PALS2: variants seen among roughly 807,000 people sequenced by gnomAD.
PALS2 encodes protein associated with LIN7 2, MAGUK p55 family member, also known as protein PALS2.
PALS2 carries 27 observed loss-of-function variants against 61.6 expected under a neutral mutation model. That is an observed-to-expected ratio of 0.44 (90% CI 0.32 to 0.60). PALS2 has a LOEUF of 0.60. Ranked by LOEUF, PALS2 falls within the 20% of genes least tolerant of loss-of-function variation. PALS2 has a pLI of 0.05. For missense variants in PALS2, 554 were observed against 639.4 expected (o/e 0.87, Z 1.44); for synonymous variants, 236 against 218.6 (o/e 1.08, Z -0.70).
At chr7:24,630,356 G>A (rs1001843129) in intron 2 of PALS2, among the ~76,000 whole-genome samples, 3 of 152,142 alleles carry the variant, frequency 2.0e-5, no homozygotes, top group Non-Finnish European at 4.4e-5. Flanking sequence ...GGGGAGGGGG[G>A]ATAGCATTAG....
chr7:24,645,163 T>C (rs1318934338), intron 3 of PALS2, among the ~76,000 whole-genome samples: 1 of 152,190 alleles, frequency 6.6e-6, no homozygotes, highest in Non-Finnish European at 1.5e-5. Flanking sequence ...ATATTGGCTT[T>C]TGTTGTGATT....
chr7:24,594,973 G>C (rs188053337), intron 1 of PALS2, among the ~76,000 whole-genome samples: 2 of 152,100 alleles, frequency 1.3e-5, no homozygotes, highest in East Asian at 3.9e-4. Flanking sequence ...ATCAATGTGG[G>C]GTTGCCACAA....
intron 1 of PALS2, among the ~76,000 whole-genome samples, chr7:24,601,558 C>T (rs1051736265): frequency 6.6e-6 from 1 of 152,052 alleles, no homozygotes; most frequent in African/African-American, 2.4e-5. Flanking sequence ...CCTTCTAGAT[C>T]CTGTATTCTC....
rs191445444 is a variant in PALS2, at chr7:24,574,877, A to G, written c.-3+1284A>G. 2.3e-3 allele frequency among the ~76,000 whole-genome samples: 345 copies of G among 152,296 alleles called. 1 individual carries two copies. The highest frequency in any genetic ancestry group is 7.8e-3 in the African/African-American group (325 of 41,550). The stretch of plus-strand genomic sequence containing the variant: ...GTATATAGTTTCCGTATATAGGTAT[A>G]GCAACGGACCTCAAGTAATATTGCT... On this transcript the variant is annotated intron_variant, in intron 1 of 11. Transcript: ENST00000222644.
At position 24,573,505 on chromosome 7, in the gene PALS2, G is replaced by A. The variant is rs548527225; in HGVS notation, c.-91G>A. 2.7e-4 allele frequency: 106 copies of A among 387,978 alleles called. 2 individuals carry two copies. The South Asian group carries it at 0.013, about 47-fold the overall frequency. 24.0% of individuals were successfully genotyped at this position (387,978 alleles called of 1,614,324 possible). On this transcript the variant is annotated 5_prime_UTR_variant, in exon 1 of 12. Transcript: ENST00000222644. The surrounding 1 kb of genome is among the most constrained non-coding windows in gnomAD (Gnocchi z 5.3). Reference sequence around the variant, plus strand: ...GAGTTTGCAGATGGGGCTGCTCGGCGGCGCCTGTGGCTGAGGGAGAGCAGC... The same window carrying A: ...GAGTTTGCAGATGGGGCTGCTCGGCAGCGCCTGTGGCTGAGGGAGAGCAGC...
intron 8 of PALS2, among the ~76,000 whole-genome samples, 193 bp downstream of exon 8, chr7:24,666,282 G>A (rs1254485289): frequency 1.3e-5 from 2 of 152,068 alleles, no homozygotes; most frequent in African/African-American, 4.8e-5. Context: ...ACTACCATGT[G>A]CTTTATTTTG....
intron 5 of PALS2, among the ~76,000 whole-genome samples, chr7:24,656,125 T>C (rs1382880060): frequency 6.6e-6 from 1 of 152,212 alleles, no homozygotes; most frequent in Non-Finnish European, 1.5e-5. Flanking sequence ...TGTCACTCAC[T>C]CTGAAATGCA....
intron 1 of PALS2, among the ~76,000 whole-genome samples, chr7:24,598,292 A>G (rs965494817): frequency 3.9e-5 from 6 of 152,316 alleles, no homozygotes; most frequent in Admixed American, 2.0e-4. Context: ...ATGAAGGACA[A>G]GTTATTGTCT....
At chr7:24,589,077 T>C (rs938623352) in intron 1 of PALS2, 3 of 152,178 alleles carry the variant, frequency 2.0e-5, no homozygotes, top group African/African-American at 7.2e-5. Flanking sequence ...AAATTTTGTG[T>C]GTGTGTGTGT....
At chr7:24,658,766 A>G (rs1786561640) in intron 5 of PALS2, among the ~76,000 whole-genome samples, 1 of 151,944 alleles carries the variant, frequency 6.6e-6, no homozygotes, top group South Asian at 2.1e-4. Flanking sequence ...CACGTTGGCC[A>G]GGATGGTCTC....
chr7:24,631,897 C>A (rs1003568200), intron 2 of PALS2, among the ~76,000 whole-genome samples: 4 of 152,162 alleles, frequency 2.6e-5, no homozygotes, highest in African/African-American at 7.2e-5. Context: ...CTTAATAGAT[C>A]ACCTTGTCAT....
chr7:24,649,584 A>C (rs1219852711), intron 3 of PALS2, 28 bp from the exon 4 acceptor site: 1 of 1,508,418 alleles, frequency 6.6e-7, no homozygotes, highest in African/African-American at 1.4e-5. Context: ...TATCATAAAT[A>C]ACCACAGGCT....
intron 1 of PALS2, among the ~76,000 whole-genome samples, chr7:24,621,691 G>C (rs1328809978): frequency 3.3e-5 from 5 of 151,916 alleles, no homozygotes; most frequent in Admixed American, 1.3e-4. Flanking sequence ...AAGCAGCATG[G>C]AACAGAAAAC....
intron 10 of PALS2, among the ~76,000 whole-genome samples, chr7:24,680,005 CT>C (rs1301367570): frequency 1.5e-4 from 23 of 152,014 alleles, no homozygotes; most frequent in African/African-American, 5.6e-4. Flanking sequence ...TACTGTAGAG[CT>C]TTTTTTCTTT....
In PALS2 at chr7:24,688,563, G is replaced by A. The variant is rs1307210417; in HGVS notation, c.*949G>A. ...GCAAATTTTAGTGATGTTTAGAGAT[G>A]CCTCTAAGTTTGCAGTTGGAGGTTT... On this transcript the variant is annotated 3_prime_UTR_variant, in exon 12 of 12. Transcript: ENST00000222644. 2.6e-5 allele frequency: 4 copies of A among 152,108 alleles called. No individual in the cohort carries two copies. The highest frequency in any genetic ancestry group is 4.4e-5 in the Non-Finnish European group (3 of 68,010). 9.4% of individuals were successfully genotyped at this position (152,108 alleles called of 1,614,324 possible).
Position 24,623,763 on chromosome 7 carries a change from T to C in PALS2, c.96T>C (p.Pro32=). 6.3e-7 allele frequency: 1 copy of C among 1,580,236 alleles called. No homozygotes were observed. Residue 32 remains proline, a synonymous_variant, in exon 2 of 12, where the codon CCT becomes CCC. Transcript: ENST00000222644. Reference sequence around the variant, plus strand: ...TCCTCAAGGGAATTATGGAGAATCCTATTGTAAAATCACTTGCTAAGGTAT... The same window carrying C: ...TCCTCAAGGGAATTATGGAGAATCCCATTGTAAAATCACTTGCTAAGGTAT... The part of the protein sequence containing the change: ...LIFLKGIMEN[P]IVKSLAKAHE...
At chr7:24,637,997 A>G (rs969783109) in intron 2 of PALS2, among the ~76,000 whole-genome samples, 2 of 152,168 alleles carry the variant, frequency 1.3e-5, no homozygotes, top group African/African-American at 4.8e-5. Context: ...TTTAAATAGT[A>G]TGTGGCTCAC....
At position 24,633,470 on chromosome 7, in the gene PALS2, C is replaced by G. The variant is rs1326594091; in HGVS notation, c.118-8246C>G. On this transcript the variant is annotated intron_variant, in intron 2 of 11. Transcript: ENST00000222644. The stretch of plus-strand genomic sequence containing the variant: ...GCTCCTCTGCAGGTAAGGTTGCCCC[C>G]CCCCCACCCCGATGTTTCAGTATTT... Among the ~76,000 whole-genome samples the G allele has an allele frequency of 2.5e-4, 31 of 123,234 alleles. 1 individual carries two copies. The highest frequency in any genetic ancestry group is 2.5e-3 in the Admixed American group (25 of 10,006). The allele number at this position is 123,234 out of a possible 152,430, so 80.8% of individuals were successfully genotyped here. A position where few individuals can be genotyped will look rare whatever the true frequency, so the allele number is the denominator to read the frequency against.
At chr7:24,621,923 C>T (rs961073404) in intron 1 of PALS2, among the ~76,000 whole-genome samples, 14 of 151,942 alleles carry the variant, frequency 9.2e-5, no homozygotes, top group Non-Finnish European at 1.8e-4. Flanking sequence ...CCAGCACCAG[C>T]TGTTGAAAAA....
Sources: allele counts gnomAD v4.1 joint callset (sites outside exome capture counted in the v4.1 genomes callset), GRCh38; gene constraint gnomAD v4.1.1; non-coding constraint Gnocchi (gnomAD v3.1); transcripts MANE v1.5; gene names NCBI Gene and HGNC (gene_info 2026-07-23, HGNC 2026-07-21).